The following FMN1 variants were observed in gnomAD, a reference collection of about 807,000 sequenced individuals.
The protein encoded by FMN1 is formin 1, also known as formin-1.
Under a neutral mutation model 132.4 loss-of-function variants are expected in FMN1, and 110 were observed. That is an observed-to-expected ratio of 0.83 (90% CI 0.71 to 0.97). The LOEUF is 0.97. FMN1 is among the 50% of genes least tolerant of loss of function. The pLI is 0.00. For synonymous variants in FMN1, 722 were observed against 651.7 expected (o/e 1.11, Z -1.64); for missense variants, 1,792 against 1,705.3 (o/e 1.05, Z -0.90).
chr15:33,018,266 A>C (rs2035186947), intron 6 of FMN1, among the ~76,000 whole-genome samples: 2 of 151,894 alleles, frequency 1.3e-5, no homozygotes. Context: ...CACTTTCCAA[A>C]GTGATGTCTT....
At chr15:33,097,316 AAGAG>A (rs3081677) in intron 4 of FMN1, among the ~76,000 whole-genome samples, 156 of 147,318 alleles carry the variant, frequency 1.1e-3, no homozygotes, top group East Asian at 7.4e-3. Flanking sequence ...AAAAAAAAAA[AAGAG>A]AGAGAGAGAG....
At chr15:33,117,397 G>A (rs572834914) in intron 4 of FMN1, among the ~76,000 whole-genome samples, 10 of 152,142 alleles carry the variant, frequency 6.6e-5, no homozygotes, top group Non-Finnish European at 1.0e-4. Flanking sequence ...CTGGCATTCT[G>A]AGAAATACAC....
intron 8 of FMN1, among the ~76,000 whole-genome samples, chr15:32,968,364 G>C (rs1470769284): frequency 6.6e-6 from 1 of 152,184 alleles, no homozygotes; most frequent in East Asian, 1.9e-4. Flanking sequence ...CCTACAGTAT[G>C]GAAATCAGGT....
At chr15:32,980,788 G>A (rs1010872758) in intron 7 of FMN1, among the ~76,000 whole-genome samples, 7 of 152,234 alleles carry the variant, frequency 4.6e-5, no homozygotes, top group East Asian at 1.9e-4. Flanking sequence ...GGCCAAGGAA[G>A]GCGGATCTGA....
Position 32,855,593 on chromosome 15 carries a change from C to T in FMN1, c.3928+1422G>A, listed in dbSNP as rs148204314. On this transcript the variant is annotated intron_variant, in intron 17 of 20. Coordinates refer to ENST00000616417, the MANE Select transcript of FMN1 (RefSeq NM_001277313.2). ...CAATATAAGCTGGCTGCTTTGCAGA[C>T]GCAGGATTCTAAGAGCATTACAGCA... Among the ~76,000 whole-genome samples, 55 of 152,250 alleles carry T rather than the reference C, an allele frequency of 3.6e-4. No homozygotes were observed. The East Asian group carries it at 4.0e-3, about 11-fold the overall frequency.
intron 5 of FMN1, chr15:33,067,333 T>C (rs2037785404): frequency 6.2e-7 from 1 of 1,613,876 alleles, no homozygotes; most frequent in African/African-American, 1.3e-5. Flanking sequence ...TGAAACCTCC[T>C]GGGTTTTCTT....
chr15:33,085,980 G>A (rs573374883), intron 5 of FMN1, among the ~76,000 whole-genome samples: 42 of 152,236 alleles, frequency 2.8e-4, no homozygotes, highest in African/African-American at 8.9e-4. Context: ...GACCAGGTGC[G>A]GTGGCTCACG....
At chr15:33,103,223 C>A (rs1233113311) in intron 4 of FMN1, among the ~76,000 whole-genome samples, 1 of 152,074 alleles carries the variant, frequency 6.6e-6, no homozygotes. Context: ...TACTATTGAG[C>A]TTAGCATAGA....
chr15:33,043,481 A>C (rs2036535618), intron 6 of FMN1, among the ~76,000 whole-genome samples: 1 of 152,178 alleles, frequency 6.6e-6, no homozygotes, highest in Non-Finnish European at 1.5e-5. Flanking sequence ...TTGTTCCACC[A>C]TGTGGCTGCG....
rs146388169 is a variant in FMN1 at position 32,926,295 on chromosome 15, C to G, written c.3139-34G>C. On this transcript the variant is annotated intron_variant, in intron 9 of 20. Transcript: ENST00000616417. ...AGAAAAAAAAAAAAAAGAATACAAG[C>G]TCAAATGACCATGCAGTCTTTCAGG... 4.2e-6 allele frequency: 5 copies of G among 1,192,786 alleles called. No homozygotes were observed. The East Asian group carries it at 1.2e-4, about 30-fold the overall frequency. The allele number at this position is 1,192,786 out of a possible 1,614,324, so 73.9% of individuals were successfully genotyped here.
At chr15:32,935,999 T>A (rs1285775148) in intron 9 of FMN1, among the ~76,000 whole-genome samples, 1 of 152,170 alleles carries the variant, frequency 6.6e-6, no homozygotes, top group East Asian at 1.9e-4. Flanking sequence ...TGATTCCTCC[T>A]TCTGCTTCAT....
chr15:33,045,333 GTAGCA>G (rs1476029781), intron 6 of FMN1, among the ~76,000 whole-genome samples: 3 of 152,206 alleles, frequency 2.0e-5, no homozygotes, highest in Admixed American at 1.3e-4. Context: ...GTCCAGGCCA[GTAGCA>G]CCTCCCGAGG....
intron 4 of FMN1, among the ~76,000 whole-genome samples, chr15:33,126,737 C>CAGA (rs1454274247): frequency 6.6e-6 from 1 of 151,888 alleles, no homozygotes; most frequent in Admixed American, 6.6e-5. Context: ...CAGGCTGGAG[C>CAGA]AGAAACTCGG....
intron 4 of FMN1, among the ~76,000 whole-genome samples, chr15:33,113,321 G>A (rs1217061761): frequency 6.6e-6 from 1 of 151,894 alleles, no homozygotes; most frequent in Non-Finnish European, 1.5e-5. Context: ...TTGTAACGTA[G>A]GTCCACTACA....
At chr15:32,921,810 C>CA (rs1195454876) in intron 10 of FMN1, among the ~76,000 whole-genome samples, 1 of 151,942 alleles carries the variant, frequency 6.6e-6, no homozygotes, top group East Asian at 1.9e-4. Flanking sequence ...GCTGGGATTA[C>CA]AAGTTTGTGC....
Position 32,969,410 on chromosome 15 carries a change from T to G in FMN1, c.2291A>C (p.Glu764Ala), listed in dbSNP as rs1462788906. The G allele has an allele frequency of 1.2e-6, 2 of 1,614,032 alleles. No homozygotes were observed. Among genetic ancestry groups the G allele is most frequent in the Non-Finnish European group, 1.7e-6 (2 of 1,179,902 alleles). Reference protein sequence around the residue: ...EHAMITARLEETIENLKHELE... With the variant: ...EHAMITARLEATIENLKHELE... ...CTCGTGTTTCAGATTTTCAATGGTTTCTTCTAGTCTCGCTGTTATCATTGC... is the reference window on the plus strand; with the variant it reads ...CTCGTGTTTCAGATTTTCAATGGTTGCTTCTAGTCTCGCTGTTATCATTGC... The change falls in exon 8 of 21, where the codon GAA becomes GCA. Residue 764 changes from glutamate to alanine, a missense_variant. Physicochemically the swap from Glu to Ala is moderately radical, Grantham distance 107. Transcript: ENST00000616417.
At chr15:32,966,604 G>T (rs889530779) in intron 8 of FMN1, among the ~76,000 whole-genome samples, 1 of 152,090 alleles carries the variant, frequency 6.6e-6, no homozygotes, top group African/African-American at 2.4e-5. Flanking sequence ...TCACGAAAGA[G>T]ACACCCAAGA....
intron 5 of FMN1, among the ~76,000 whole-genome samples, chr15:33,074,515 G>T (rs1347845653): frequency 2.0e-5 from 3 of 152,172 alleles, no homozygotes; most frequent in South Asian, 2.1e-4. Context: ...CTGTTGAAAA[G>T]TCTTAAGAGT....
intron 3 of FMN1, among the ~76,000 whole-genome samples, chr15:33,173,454 G>T (rs1476262112): frequency 6.6e-6 from 1 of 152,206 alleles, no homozygotes; most frequent in African/African-American, 2.4e-5. Context: ...TTAGAGAAGG[G>T]ACCATTCTCC....
Sources: allele counts gnomAD v4.1 joint callset (sites outside exome capture counted in the v4.1 genomes callset), GRCh38; gene constraint gnomAD v4.1.1; transcripts MANE v1.5; gene names NCBI Gene and HGNC (gene_info 2026-07-23, HGNC 2026-07-21).